The following PPM1A variants were observed in gnomAD, a reference collection of about 807,000 sequenced individuals.
The protein encoded by PPM1A is protein phosphatase, Mg2+/Mn2+ dependent 1A, also known as protein phosphatase 1A.
In PPM1A, 7 loss-of-function variants were observed where a neutral mutation model predicts 35.0. The observed-to-expected ratio is 0.20, with a 90% CI of 0.11 to 0.38. The LOEUF is 0.38. PPM1A is among the 10% of genes least tolerant of loss of function. The pLI, the probability that PPM1A is intolerant of heterozygous loss-of-function variation, is 1.00. For synonymous variants in PPM1A, 153 were observed against 167.3 expected, an observed-to-expected ratio of 0.91 and a Z score of 0.66; for missense variants, 239 against 467.8, an observed-to-expected ratio of 0.51 and a Z score of 4.51.
intron 1 of PPM1A, among the ~76,000 whole-genome samples, chr14:60,253,039 A>T (rs748541292): frequency 3.9e-5 from 6 of 152,208 alleles, no homozygotes; most frequent in Non-Finnish European, 8.8e-5. Flanking sequence ...GGAAAGGTAC[A>T]GGCTTTTAAT....
At chr14:60,263,564 A>G (rs1036485194) in intron 1 of PPM1A, among the ~76,000 whole-genome samples, 13 of 152,108 alleles carry the variant, frequency 8.5e-5, no homozygotes, top group African/African-American at 2.7e-4. Context: ...TGCTTGTTAC[A>G]TGGATATAGC....
At chr14:60,251,713 A>G (rs1366100666) in intron 1 of PPM1A, among the ~76,000 whole-genome samples, 1 of 152,112 alleles carries the variant, frequency 6.6e-6, no homozygotes, top group African/African-American at 2.4e-5. Flanking sequence ...CTAAGGCTGG[A>G]TTTCTTTCTC....
At chr14:60,285,778 A>G (rs1886946115) in intron 3 of PPM1A, 37 bp downstream of exon 3, 1 of 1,598,836 alleles carries the variant, frequency 6.3e-7, no homozygotes, top group African/African-American at 1.4e-5. Context: ...GCTTTATTAA[A>G]GAAAAATCTT....
At chr14:60,288,563 T>C (rs1348396571) in intron 3 of PPM1A, 2 of 979,440 alleles carry the variant, frequency 2.0e-6, no homozygotes. Flanking sequence ...AAATCTGAGA[T>C]CCTTGCTTTT....
chr14:60,262,459 G>A (rs1883851051), intron 1 of PPM1A, among the ~76,000 whole-genome samples: 2 of 152,282 alleles, frequency 1.3e-5, no homozygotes, highest in Middle Eastern at 3.4e-3. Context: ...CGAGGCGGGA[G>A]GATTGCTGAA....
At chr14:60,271,148 C>T (rs1885047943) in intron 1 of PPM1A, among the ~76,000 whole-genome samples, 1 of 152,132 alleles carries the variant, frequency 6.6e-6, no homozygotes, top group East Asian at 1.9e-4. Context: ...GCCTGGTAGC[C>T]ACATCACTCG....
intron 1 of PPM1A, among the ~76,000 whole-genome samples, chr14:60,266,773 T>C (rs969117743): frequency 1.3e-5 from 2 of 152,176 alleles, no homozygotes; most frequent in African/African-American, 4.8e-5. Flanking sequence ...ATGTTTTGGC[T>C]ATTCACATTT....
rs555197433 is a variant in PPM1A at position 60,258,811 on chromosome 14, G to A, written c.-21+9134G>A. ...TTCATCTGTCTCATGTATTCGTCAA[G>A]TGTCATGTGTTAAATATGAACAAAA... On this transcript the variant is annotated intron_variant, in intron 1 of 5. Coordinates refer to ENST00000395076, the MANE Select transcript of PPM1A (RefSeq NM_021003.5). Among the ~76,000 whole-genome samples the A allele has an allele frequency of 5.9e-5, 9 of 152,218 alleles. No individual in the cohort carries two copies. The South Asian group carries it at 1.7e-3, about 28-fold the overall frequency.
intron 1 of PPM1A, chr14:60,268,493 G>C: frequency 1.5e-6 from 1 of 687,486 alleles, no homozygotes; most frequent in Non-Finnish European, 1.8e-6. Flanking sequence ...AGACTATTTA[G>C]TGGCTTACCT....
intron 3 of PPM1A, chr14:60,288,025 T>C (rs540614501): frequency 1.3e-5 from 13 of 980,464 alleles, no homozygotes; most frequent in Middle Eastern, 5.2e-4. Context: ...GTAAAACGTA[T>C]AGGTCAACAG....
At chr14:60,246,968 G>A (rs1232581535), upstream of PPM1A, among the ~76,000 whole-genome samples, 2 of 152,186 alleles carry the variant, frequency 1.3e-5, no homozygotes, top group African/African-American at 4.8e-5. Context: ...AAGCCTAAAG[G>A]AAGGAAGCAG....
rs1196299821 is a variant in PPM1A, at chr14:60,293,455, T to G, written c.*973T>G. On this transcript the variant is annotated 3_prime_UTR_variant, in exon 6 of 6. Coordinates refer to ENST00000395076, the MANE Select transcript of PPM1A (RefSeq NM_021003.5). The surrounding 1 kb of genome is among the most constrained non-coding windows in gnomAD (Gnocchi z 4.0). Reference sequence around the variant, plus strand: ...CATAGGGAAAGATGTTAGTCTCTTTTAATTGGACAACACTGTCACTCAAGG... The same window carrying G: ...CATAGGGAAAGATGTTAGTCTCTTTGAATTGGACAACACTGTCACTCAAGG... The G allele has an allele frequency of 6.6e-6, 1 of 152,054 alleles. No individual in the cohort carries two copies. Among genetic ancestry groups the G allele is most frequent in the Non-Finnish European group, 1.5e-5 (1 of 67,948 alleles). The allele number at this position is 152,054 out of a possible 1,614,324, so 9.4% of individuals were successfully genotyped here.
In PPM1A at chr14:60,249,545, C is replaced by A; in HGVS notation, c.-153C>A. Reference sequence around the variant, plus strand: ...CTCCCCTCCTCCGCCCCTTCCCCAGCCTGACCTGGCCCGCCGCTGCAGCGG... The same window carrying A: ...CTCCCCTCCTCCGCCCCTTCCCCAGACTGACCTGGCCCGCCGCTGCAGCGG... On this transcript the variant is annotated 5_prime_UTR_variant, in exon 1 of 6. Coordinates refer to ENST00000395076, the MANE Select transcript of PPM1A (RefSeq NM_021003.5). The surrounding 1 kb of genome is among the most constrained non-coding windows in gnomAD (Gnocchi z 4.5). 1 of 985,102 alleles carries A rather than the reference C, an allele frequency of 1.0e-6. No homozygotes were observed. Among genetic ancestry groups the A allele is most frequent in the Non-Finnish European group, 1.2e-6 (1 of 829,420 alleles). The allele number at this position is 985,102 out of a possible 1,614,324, so 61.0% of individuals were successfully genotyped here.
chr14:60,245,818 G>A (rs1195288842), upstream of PPM1A: 4 of 1,546,068 alleles, frequency 2.6e-6, no homozygotes, highest in Admixed American at 8.3e-5. This position sits in a 1 kb window ranked among gnomAD's most constrained non-coding sequence, Gnocchi z 4.2. Flanking sequence ...CTCCCTGAAT[G>A]AAATTCATTT....
At chr14:60,279,019 A>T (rs1195712347) in intron 1 of PPM1A, among the ~76,000 whole-genome samples, 3 of 152,230 alleles carry the variant, frequency 2.0e-5, no homozygotes, top group Admixed American at 6.5e-5. Flanking sequence ...AGTAAGAATT[A>T]TGTGCACCTC....
At chr14:60,256,076 C>A (rs553928649) in intron 1 of PPM1A, among the ~76,000 whole-genome samples, 1 of 152,172 alleles carries the variant, frequency 6.6e-6, no homozygotes, top group Non-Finnish European at 1.5e-5. Context: ...TTCAAATAAA[C>A]CTCTAAGCTA....
intron 1 of PPM1A, chr14:60,276,941 A>G: frequency 1.3e-6 from 1 of 749,218 alleles, no homozygotes; most frequent in Admixed American, 4.6e-5. Context: ...TTTAAAAGGT[A>G]CAAAATGTTC....
At chr14:60,291,841 C>T (rs1436563103) in intron 5 of PPM1A, among the ~76,000 whole-genome samples, 3 of 149,136 alleles carry the variant, frequency 2.0e-5, no homozygotes, top group Non-Finnish European at 3.0e-5. Context: ...AGCAGAACTT[C>T]GGAATGTCTG....
Position 60,249,420 on chromosome 14 carries a change from C to A in PPM1A, c.-278C>A. 1 of 984,804 alleles carries A rather than the reference C, an allele frequency of 1.0e-6. No homozygotes were observed. Among genetic ancestry groups the A allele is most frequent in the Non-Finnish European group, 1.2e-6 (1 of 829,892 alleles). The allele number at this position is 984,804 out of a possible 1,614,324, so 61.0% of individuals were successfully genotyped here. A position where few individuals can be genotyped will look rare whatever the true frequency, so the allele number is the denominator to read the frequency against. On this transcript the variant is annotated 5_prime_UTR_variant, in exon 1 of 6. Transcript: ENST00000395076. The surrounding 1 kb of genome is among the most constrained non-coding windows in gnomAD (Gnocchi z 4.5). ...AAGCGATGAGTCCTCGGCTCTTCCT[C>A]CTCCTTCTCCGGGACCCGCTCTCTG... is the stretch of plus-strand genomic sequence containing the variant.
Sources: gnomAD v4.1 joint callset for allele counts (sites outside exome capture counted in the v4.1 genomes callset) on GRCh38, gnomAD v4.1.1 for gene constraint, Gnocchi (gnomAD v3.1) non-coding constraint, MANE v1.5 for transcripts, NCBI Gene and HGNC (gene_info 2026-07-23, HGNC 2026-07-21) for gene names.